The following SFI1 variants were observed in gnomAD, a reference collection of about 807,000 sequenced individuals.
The protein encoded by SFI1 is protein SFI1 homolog.
A neutral mutation model predicts 207.5 loss-of-function variants in SFI1; 195 were observed. The ratio of observed to expected loss-of-function variants is 0.94; its 90% confidence interval spans 0.84 to 1.06. The LOEUF is 1.06. Among genes scored for constraint, SFI1 ranks in the 50% least tolerant of loss-of-function variants. The probability of loss-of-function intolerance (pLI) is 0.00; values close to 1 mark genes in which losing one functional copy is unlikely to be tolerated. For missense variants in SFI1, 1,634 were observed against 1,588.0 expected (o/e 1.03, Z -0.49); for synonymous variants, 630 against 598.9 (o/e 1.05, Z -0.76).
intron 12 of SFI1, among the ~76,000 whole-genome samples, chr22:31,582,003 T>C (rs1265848837): frequency 6.6e-6 from 1 of 151,652 alleles, no homozygotes; most frequent in Non-Finnish European, 1.5e-5. Flanking sequence ...CATTAATATC[T>C]AGTCAACATT....
rs1330960432 is a variant in SFI1, at chr22:31,516,629, G to T, written c.92+8253G>T. On this transcript the variant is annotated intron_variant, in intron 2 of 32. Transcript: ENST00000400288. ...AGGTCAGGAGTTCAAGACCAGCCTGGCCAACATGGCGAAACCCCATCTCTA... is the reference window on the plus strand; with the variant it reads ...AGGTCAGGAGTTCAAGACCAGCCTGTCCAACATGGCGAAACCCCATCTCTA... 1.3e-5 allele frequency among the ~76,000 whole-genome samples: 2 copies of T among 151,732 alleles called. 1 individual carries two copies. The highest frequency in any genetic ancestry group is 4.8e-5 in the African/African-American group (2 of 41,260).
At chr22:31,594,854 C>CA (rs67157514) in intron 15 of SFI1, among the ~76,000 whole-genome samples, 50,964 of 76,702 alleles carry the variant, frequency 0.66, 17,232 homozygotes, top group East Asian at 0.78. Context: ...GACTCTGTCT[C>CA]AAAAAAAAAA....
At chr22:31,593,299 G>A (rs1273525616) in intron 15 of SFI1, among the ~76,000 whole-genome samples, 3 of 137,132 alleles carry the variant, frequency 2.2e-5, no homozygotes, top group Non-Finnish European at 3.2e-5. Flanking sequence ...GGGCAGAGAC[G>A]CTCCTCACCT....
chr22:31,536,027 GT>G (rs1470929239), intron 4 of SFI1, among the ~76,000 whole-genome samples: 1 of 152,066 alleles, frequency 6.6e-6, no homozygotes, highest in African/African-American at 2.4e-5. Flanking sequence ...GGGTATCCTG[GT>G]TTTGTTCCCT....
At chr22:31,560,400 CTTTTT>C (rs398061887) in intron 7 of SFI1, among the ~76,000 whole-genome samples, 3 of 125,528 alleles carry the variant, frequency 2.4e-5, no homozygotes, top group Admixed American at 8.7e-5. Flanking sequence ...TGGTAATACT[CTTTTT>C]TTTTTTTTTT....
At chr22:31,600,893 G>A (rs1402015642) in intron 15 of SFI1, among the ~76,000 whole-genome samples, 1 of 152,242 alleles carries the variant, frequency 6.6e-6, no homozygotes, top group Non-Finnish European at 1.5e-5. Context: ...ACTGTGTTCT[G>A]ACTAGAAGTG....
intron 2 of SFI1, among the ~76,000 whole-genome samples, chr22:31,513,967 C>T (rs1396378080): frequency 6.6e-6 from 1 of 151,692 alleles, no homozygotes; most frequent in Non-Finnish European, 1.5e-5. Flanking sequence ...GACCCTGTCT[C>T]TGCTAAAAAT....
intron 3 of SFI1, among the ~76,000 whole-genome samples, chr22:31,529,219 G>A (rs946629004): frequency 2.6e-5 from 4 of 152,076 alleles, no homozygotes; most frequent in African/African-American, 7.2e-5. Context: ...TGCTACTCTC[G>A]ATTAGATATA....
At chr22:31,501,038 C>T (rs1175468809) in intron 1 of SFI1, among the ~76,000 whole-genome samples, 2 of 150,272 alleles carry the variant, frequency 1.3e-5, no homozygotes, top group Non-Finnish European at 3.0e-5. Flanking sequence ...ACCCCGTGAC[C>T]CACCCACCTT....
chr22:31,531,220 G>A (rs199649817), intron 4 of SFI1, 91 bp downstream of exon 4: 1 of 1,041,526 alleles, frequency 9.6e-7, no homozygotes, highest in Non-Finnish European at 1.4e-6. Flanking sequence ...ATTATGGCTT[G>A]TGCTGTTACA....
chr22:31,580,144 C>A, intron 11 of SFI1, 128 bp from the exon 12 acceptor site: 1 of 655,480 alleles, frequency 1.5e-6, no homozygotes, highest in Non-Finnish European at 2.7e-6. Context: ...GGAGATGGAA[C>A]AGCTACAAGA....
chr22:31,601,544 A>G (rs2068100169), intron 15 of SFI1, among the ~76,000 whole-genome samples: 1 of 152,202 alleles, frequency 6.6e-6, no homozygotes, highest in South Asian at 2.1e-4. Flanking sequence ...CAGGTCCCCA[A>G]AGCGTTGGTC....
intron 1 of SFI1, among the ~76,000 whole-genome samples, chr22:31,506,547 C>T (rs1320982105): frequency 6.6e-6 from 1 of 152,072 alleles, no homozygotes; most frequent in East Asian, 1.9e-4. Flanking sequence ...GCTCGCTCTC[C>T]TCTCAGTTTC....
rs1225890923 is a variant in SFI1, at chr22:31,588,084, A to G, written c.1414-1363A>G. 3.9e-5 allele frequency among the ~76,000 whole-genome samples: 6 copies of G among 152,338 alleles called. No individual in the cohort carries two copies. In the South Asian group the frequency reaches 1.2e-3, roughly 32 times the overall value. ...ATGCTTTATGGATTATCAAAGATTGAGACAGGACTTAATGGGAATGGTTGG... is the reference window on the plus strand; with the variant it reads ...ATGCTTTATGGATTATCAAAGATTGGGACAGGACTTAATGGGAATGGTTGG... On this transcript the variant is annotated intron_variant, in intron 14 of 32. Coordinates refer to ENST00000400288, the MANE Select transcript of SFI1 (RefSeq NM_001007467.3).
intron 15 of SFI1, among the ~76,000 whole-genome samples, chr22:31,594,473 G>A (rs1421898171): frequency 6.7e-6 from 1 of 149,192 alleles, no homozygotes; most frequent in Non-Finnish European, 1.5e-5. Flanking sequence ...GCTTGAACTT[G>A]GGAGATGGAG....
intron 13 of SFI1, 74 bp from the exon 14 acceptor site, chr22:31,584,994 G>T (rs1434188279): frequency 1.5e-6 from 2 of 1,335,312 alleles, no homozygotes; most frequent in Non-Finnish European, 2.1e-6. Context: ...GGAAGTAACT[G>T]TACCGCAATT....
intron 8 of SFI1, among the ~76,000 whole-genome samples, chr22:31,570,833 G>T (rs1244109683): frequency 1.3e-5 from 2 of 152,192 alleles, no homozygotes; most frequent in Non-Finnish European, 2.9e-5. Context: ...GTGCACAGAG[G>T]TGGGAGTCAG....
At chr22:31,601,827 C>G (rs1292620938) in intron 15 of SFI1, among the ~76,000 whole-genome samples, 1 of 152,034 alleles carries the variant, frequency 6.6e-6, no homozygotes, top group Non-Finnish European at 1.5e-5. Flanking sequence ...GGGTCTCACT[C>G]TGTTGCCCAG....
chr22:31,520,494 AATTC>A (rs1213734378), intron 2 of SFI1, among the ~76,000 whole-genome samples: 1 of 152,038 alleles, frequency 6.6e-6, no homozygotes, highest in South Asian at 2.1e-4. Flanking sequence ...CATACTACAC[AATTC>A]ATTCATTTCA....
Sources: allele counts gnomAD v4.1 joint callset (sites outside exome capture counted in the v4.1 genomes callset), GRCh38; gene constraint gnomAD v4.1.1; transcripts MANE v1.5; gene names NCBI Gene and HGNC (gene_info 2026-07-23, HGNC 2026-07-21).